Variants in USP33 observed in about 807,000 individuals in gnomAD.
USP33 encodes ubiquitin specific peptidase 33.
In USP33, 46 loss-of-function variants were observed where a neutral mutation model predicts 124.2. The observed-to-expected ratio is 0.37, with a 90% CI of 0.29 to 0.47. The LOEUF is 0.47. Ranked by LOEUF, USP33 falls within the 20% of genes least tolerant of loss-of-function variation. USP33 has a pLI of 0.99. For synonymous variants in USP33, 350 were observed against 352.3 expected, an observed-to-expected ratio of 0.99 and a Z score of 0.07; for missense variants, 851 against 1,070.6, an observed-to-expected ratio of 0.79 and a Z score of 2.86.
chr1:77,702,382 T>A (rs1169682792), intron 21 of USP33, among the ~76,000 whole-genome samples: 1 of 152,072 alleles, frequency 6.6e-6, no homozygotes, highest in East Asian at 2.0e-4. Flanking sequence ...GTAAACTTTA[T>A]GTACACATAC....
rs757533830 is a variant in USP33 at position 77,697,489 on chromosome 1, G to C, written c.2579-15C>G. 3.0e-5 allele frequency: 48 copies of C among 1,586,122 alleles called. No individual in the cohort carries two copies. Among genetic ancestry groups the C allele is most frequent in the Non-Finnish European group, 4.1e-5 (48 of 1,171,046 alleles). On this transcript the variant is annotated splice_polypyrimidine_tract_variant and intron_variant, in intron 23 of 23. Coordinates refer to ENST00000370794, the MANE Select transcript of USP33 (RefSeq NM_201624.3). ...AGAATCTGCTCCTTAAAATTACGTA[G>C]AAGAAATAATGTTTACAAACCTATA... is the stretch of plus-strand genomic sequence containing the variant.
intron 19 of USP33, 95 bp downstream of exon 19, chr1:77,714,519 G>C (rs1675648637): frequency 1.6e-6 from 2 of 1,283,954 alleles, no homozygotes; most frequent in African/African-American, 1.5e-5. Context: ...GGGGAAATGG[G>C]AAATAAGTGG....
intron 17 of USP33, 63 bp from the exon 18 acceptor site, chr1:77,715,931 A>T (rs1675829514): frequency 6.6e-7 from 1 of 1,517,974 alleles, no homozygotes; most frequent in Middle Eastern, 2.3e-4. Context: ...AGGAGGATAA[A>T]CTTTTTATAT....
chr1:77,741,330 T>TTTA, intron 3 of USP33, 46 bp downstream of exon 3: 4 of 1,539,232 alleles, frequency 2.6e-6, no homozygotes, highest in South Asian at 1.3e-5. Context: ...CAGATCCAAA[T>TTTA]TTATTATTAT....
intron 1 of USP33, among the ~76,000 whole-genome samples, chr1:77,751,343 C>T (rs1208153182): frequency 1.3e-5 from 2 of 152,156 alleles, no homozygotes; most frequent in Non-Finnish European, 2.9e-5. Flanking sequence ...TGCTCATCTG[C>T]ATTAAAGTAA....
chr1:77,741,391 A>T lies in USP33; in HGVS notation c.120T>A (p.Leu40=). The T allele has an allele frequency of 6.2e-7, 1 of 1,609,068 alleles. No homozygotes were observed. Among genetic ancestry groups the T allele is most frequent in the Admixed American group, 1.7e-5 (1 of 58,436 alleles). ...CQDCKVQGPN[L]WACLENRCSY... is the part of the protein sequence containing the mutation. ...ATATACACACCTCCAGACATGCCCA[A>T]AGATTTGGTCCTTGGACTTTACAAT... Residue 40 remains leucine (L), a synonymous_variant, in exon 3 of 24, where the codon CTT becomes CTA. Coordinates refer to ENST00000370794, the MANE Select transcript of USP33 (RefSeq NM_201624.3).
chr1:77,742,396 A>G (rs1055306881), intron 1 of USP33, among the ~76,000 whole-genome samples: 2 of 152,310 alleles, frequency 1.3e-5, no homozygotes, highest in Non-Finnish European at 2.9e-5. Context: ...CAGACAGACC[A>G]TCCCTGCCAC....
At chr1:77,729,815 A>T in intron 9 of USP33, 45 bp downstream of exon 9, 3 of 1,591,968 alleles carry the variant, frequency 1.9e-6, no homozygotes, top group Non-Finnish European at 2.6e-6. Flanking sequence ...GGCATTTTCC[A>T]AATTTATTTA....
chr1:77,759,743 C>T lies in USP33; in HGVS notation c.-152G>A, dbSNP rs187708997. The T allele has an allele frequency of 2.2e-3, 889 of 398,116 alleles. 19 individuals are homozygous for T. In the East Asian group the frequency reaches 0.026, roughly 12 times the overall value. The allele number at this position is 398,116 out of a possible 1,614,324, so 24.7% of individuals were successfully genotyped here. ...TTCCTTCTCAGCTCTCGGAGAGGGG[C>T]AGTGTCGCGTCAGGAGGGCCGGAAA... On this transcript the variant is annotated 5_prime_UTR_variant, in exon 1 of 24. Coordinates refer to ENST00000370794, the MANE Select transcript of USP33 (RefSeq NM_201624.3).
At chr1:77,730,523 T>G in intron 8 of USP33, 95 bp downstream of exon 8, 1 of 931,830 alleles carries the variant, frequency 1.1e-6, no homozygotes, top group Non-Finnish European at 1.5e-6. Context: ...CTCTTCTACT[T>G]TTTTCCGGCT....
chr1:77,733,221 C>T (rs1011990054), intron 7 of USP33, among the ~76,000 whole-genome samples: 6 of 151,956 alleles, frequency 3.9e-5, no homozygotes, highest in South Asian at 4.1e-4. Context: ...AGGTGAAACC[C>T]CATCTCTACA....
At chr1:77,707,413 AAGG>A (rs1674753330) in intron 21 of USP33, among the ~76,000 whole-genome samples, 1 of 152,148 alleles carries the variant, frequency 6.6e-6, no homozygotes, top group Non-Finnish European at 1.5e-5. Context: ...TATCTCTGTG[AAGG>A]GTCACTTACT....
intron 18 of USP33, 99 bp from the exon 19 acceptor site, chr1:77,714,882 T>C (rs1675688838): frequency 1.7e-6 from 2 of 1,197,688 alleles, no homozygotes; most frequent in South Asian, 2.7e-5. Flanking sequence ...ATATTAACAC[T>C]ATCTTTATTA....
At chr1:77,714,250 A>G (rs912926488) in intron 19 of USP33, among the ~76,000 whole-genome samples, 3 of 152,226 alleles carry the variant, frequency 2.0e-5, no homozygotes, top group Admixed American at 6.5e-5. Flanking sequence ...GGAATGCCTC[A>G]GGTAGGAAAA....
chr1:77,726,622 G>A (rs561761736), intron 10 of USP33, among the ~76,000 whole-genome samples: 70 of 150,420 alleles, frequency 4.7e-4, no homozygotes, highest in African/African-American at 1.7e-3. Flanking sequence ...CTCCAGCCTG[G>A]GTGACAGAAT....
chr1:77,718,083 T>A (rs1322059804), intron 16 of USP33, 36 bp from the exon 17 acceptor site: 4 of 1,523,434 alleles, frequency 2.6e-6, no homozygotes, highest in Admixed American at 4.0e-5. Flanking sequence ...AATTTGTCAA[T>A]ACAGAAAACA....
At chr1:77,708,167 G>A (rs1674838273) in intron 21 of USP33, among the ~76,000 whole-genome samples, 1 of 152,148 alleles carries the variant, frequency 6.6e-6, no homozygotes, top group African/African-American at 2.4e-5. Context: ...TCTATTATCT[G>A]TTAATGAACA....
Position 77,725,746 on chromosome 1 carries a change from G to A in USP33, c.1152C>T (p.Val384=). 1 of 1,612,252 alleles carries A rather than the reference G, an allele frequency of 6.2e-7. No homozygotes were observed. Among genetic ancestry groups the A allele is most frequent in the Non-Finnish European group, 8.5e-7 (1 of 1,179,396 alleles). The change falls in exon 11 of 24, where the codon GTC becomes GTT. Residue 384 remains valine, a synonymous_variant. Transcript: ENST00000370794. ...HSRASEYITD[V]HSNDLSTPQI... is the part of the protein sequence containing the mutation. The stretch of plus-strand genomic sequence containing the variant: ...GTGGTGTAGACAGGTCATTCGAATG[G>A]ACATCAGTGATATATTCTGTAAGAT...
At chr1:77,749,513 C>G (rs1270356525) in intron 1 of USP33, among the ~76,000 whole-genome samples, 1 of 152,052 alleles carries the variant, frequency 6.6e-6, no homozygotes, top group Non-Finnish European at 1.5e-5. Context: ...TCCCAAATAG[C>G]TGGGACTACA....
Sources: allele counts gnomAD v4.1 joint callset (sites outside exome capture counted in the v4.1 genomes callset), GRCh38; gene constraint gnomAD v4.1.1; transcripts MANE v1.5; gene names NCBI Gene and HGNC (gene_info 2026-07-23, HGNC 2026-07-21).